Variants in WNT11 observed in about 807,000 individuals in gnomAD.
The protein encoded by WNT11 is Wnt family member 11.
Under a neutral mutation model 35.6 loss-of-function variants are expected in WNT11, and 20 were observed. The observed-to-expected ratio is 0.56, with a 90% confidence interval of 0.40 to 0.82. The LOEUF is 0.82. WNT11 is among the 40% of genes least tolerant of loss of function. The probability of loss-of-function intolerance (pLI) is 0.00; values close to 1 mark genes in which losing one functional copy is unlikely to be tolerated. For missense variants in WNT11, 459 were observed against 504.4 expected (o/e 0.91, Z 0.86); for synonymous variants, 200 against 211.9 (o/e 0.94, Z 0.49).
chr11:76,192,948 A>G (rs79443983), intron 3 of WNT11, among the ~76,000 whole-genome samples: 6 of 152,220 alleles, frequency 3.9e-5, no homozygotes, highest in Non-Finnish European at 7.3e-5. Flanking sequence ...TGAGGCACAG[A>G]GTGGGCAGGA....
chr11:76,191,758 ATCCTGCAGC>A lies in WNT11; in HGVS notation c.687_695del (p.Glu229_Gln231del). ...ATCGGGTCTTGAGGTCAGCAGCCAC[ATCCTGCAGC>A]TCCTGCAGCCCCTTCCAGCAGGTGC... On this transcript the variant is annotated inframe_deletion, in exon 4 of 5. Coordinates refer to ENST00000322563, the MANE Select transcript of WNT11 (RefSeq NM_004626.3). The A allele has an allele frequency of 6.2e-7, 1 of 1,613,528 alleles. No individual in the cohort carries two copies. The highest frequency in any genetic ancestry group is 1.1e-5 in the South Asian group (1 of 91,086).
upstream of WNT11, chr11:76,210,660 G>A (rs1317019734): frequency 1.0e-6 from 1 of 985,226 alleles, no homozygotes; most frequent in Non-Finnish European, 1.2e-6. Context: ...CAGGACCCGC[G>A]CGGAGTCAGG....
chr11:76,207,191 G>A (rs745661823), upstream of WNT11, among the ~76,000 whole-genome samples: 1 of 152,036 alleles, frequency 6.6e-6, no homozygotes, highest in Non-Finnish European at 1.5e-5. Flanking sequence ...GCAAAACCCC[G>A]TCTCTACTAC....
At chr11:76,199,168 A>G (rs1953335903) in intron 1 of WNT11, among the ~76,000 whole-genome samples, 1 of 151,972 alleles carries the variant, frequency 6.6e-6, no homozygotes, top group Admixed American at 6.6e-5. Context: ...AATAAAATAA[A>G]ATAGAAATAA....
intron 1 of WNT11, among the ~76,000 whole-genome samples, chr11:76,197,804 C>T (rs553165145): frequency 6.6e-6 from 1 of 152,098 alleles, no homozygotes; most frequent in South Asian, 2.1e-4. Context: ...CCTCGATCTG[C>T]CGTTCTCCTA....
chr11:76,200,060 GCCATGTCCCAC>G (rs1295297854), intron 1 of WNT11, among the ~76,000 whole-genome samples: 3 of 152,120 alleles, frequency 2.0e-5, no homozygotes, highest in African/African-American at 7.2e-5. Context: ...CTCACGCTCT[GCCATGTCCCAC>G]CCACCCTATA....
upstream of WNT11, chr11:76,210,684 T>G: frequency 1.0e-6 from 1 of 984,750 alleles, no homozygotes; most frequent in Non-Finnish European, 1.2e-6. Context: ...GGACTCCGGC[T>G]GCTCTCTGCT....
intron 4 of WNT11, among the ~76,000 whole-genome samples, chr11:76,188,772 T>C (rs1347215302): frequency 2.0e-5 from 3 of 152,262 alleles, no homozygotes; most frequent in African/African-American, 7.2e-5. Flanking sequence ...AAAGGCCATC[T>C]AGGCCATTCA....
intron 4 of WNT11, among the ~76,000 whole-genome samples, chr11:76,188,607 G>A (rs1001270699): frequency 6.6e-6 from 1 of 152,226 alleles, no homozygotes; most frequent in Non-Finnish European, 1.5e-5. Flanking sequence ...CATGTGGGCC[G>A]AGGAATCCCA....
chr11:76,191,463 C>T, intron 4 of WNT11, 101 bp downstream of exon 4: 1 of 1,357,980 alleles, frequency 7.4e-7, no homozygotes, highest in Non-Finnish European at 1.0e-6. Context: ...CTCCATTCCC[C>T]ACATGCCACC....
intron 3 of WNT11, 45 bp from the exon 4 acceptor site, chr11:76,191,901 C>T: frequency 6.4e-7 from 1 of 1,557,462 alleles, no homozygotes; most frequent in Non-Finnish European, 8.6e-7. Context: ...GAGTCCCCTC[C>T]CTGGCCTGAC....
intron 1 of WNT11, among the ~76,000 whole-genome samples, chr11:76,202,635 G>T (rs1321465029): frequency 6.6e-6 from 1 of 152,178 alleles, no homozygotes; most frequent in Non-Finnish European, 1.5e-5. Context: ...TTAGGCACCA[G>T]GTCTAGGAAC....
Position 76,191,849 on chromosome 11 carries a change from C to G in WNT11, c.605G>C (p.Arg202Pro). Residue 202 changes from arginine (R) to proline (P), a missense_variant, in exon 4 of 5, where the codon CGC (arginine) becomes CCC (proline). By Grantham distance (103) the Arg-to-Pro change is moderately radical. Transcript: ENST00000322563. The part of the protein sequence containing the change: ...HNSEVGRQAL[R>P]ASLEMKCKCH... ...CTTACACTTCATTTCCAGAGAGGCG[C>G]GCAGAGCCTGCGGACAGGGGAAGGC... The G allele has an allele frequency of 6.3e-7, 1 of 1,598,482 alleles. No individual in the cohort carries two copies. Among genetic ancestry groups the G allele is most frequent in the Non-Finnish European group, 8.5e-7 (1 of 1,177,494 alleles).
chr11:76,202,853 G>C (rs1309311532), intron 1 of WNT11, among the ~76,000 whole-genome samples: 2 of 152,222 alleles, frequency 1.3e-5, no homozygotes, highest in African/African-American at 4.8e-5. Context: ...ATAGAGAAAT[G>C]GAGGCTGATG....
At chr11:76,207,226 G>T (rs1422053239), upstream of WNT11, among the ~76,000 whole-genome samples, 1 of 152,180 alleles carries the variant, frequency 6.6e-6, no homozygotes, top group Non-Finnish European at 1.5e-5. Flanking sequence ...AGCCGGGCGT[G>T]GTGGCGGGCG....
intron 3 of WNT11, among the ~76,000 whole-genome samples, chr11:76,193,252 C>T (rs1389686792): frequency 1.3e-5 from 2 of 152,250 alleles, no homozygotes; most frequent in African/African-American, 4.8e-5. Context: ...CGCAGCCCTG[C>T]ACCTTGCAGG....
chr11:76,206,278 C>A lies in WNT11; in HGVS notation c.83+47G>T, dbSNP rs369249597. Reference sequence around the variant, plus strand: ...CAGGGGACCCCAAAACGCCCTCCGCCGCCCCAGTCCCTGGCCTGTGCGCGT... The same window carrying A: ...CAGGGGACCCCAAAACGCCCTCCGCAGCCCCAGTCCCTGGCCTGTGCGCGT... On this transcript the variant is annotated intron_variant, in intron 1 of 4. Coordinates refer to ENST00000322563, the MANE Select transcript of WNT11 (RefSeq NM_004626.3). 1.0e-3 allele frequency: 1,433 copies of A among 1,383,300 alleles called. 13 individuals carry two copies. The highest frequency in any genetic ancestry group is 6.1e-4 in the Non-Finnish European group (640 of 1,056,996). 85.7% of individuals were successfully genotyped at this position (1,383,300 alleles called of 1,614,324 possible). A position where few individuals can be genotyped will look rare whatever the true frequency, so the allele number is the denominator to read the frequency against.
intron 1 of WNT11, among the ~76,000 whole-genome samples, chr11:76,205,173 A>G (rs1304309041): frequency 6.6e-6 from 1 of 152,126 alleles, no homozygotes; most frequent in Non-Finnish European, 1.5e-5. Flanking sequence ...ATTAATCAAT[A>G]ACTTGGCCTG....
At chr11:76,195,452 G>A (rs1467585089) in intron 2 of WNT11, among the ~76,000 whole-genome samples, 2 of 152,250 alleles carry the variant, frequency 1.3e-5, no homozygotes, top group African/African-American at 4.8e-5. Flanking sequence ...ACAGCTGCAA[G>A]CTAAAGAATG....
Sources: allele counts gnomAD v4.1 joint callset (sites outside exome capture counted in the v4.1 genomes callset), GRCh38; gene constraint gnomAD v4.1.1; transcripts MANE v1.5; gene names NCBI Gene and HGNC (gene_info 2026-07-23, HGNC 2026-07-21).